The following MMD2 variants were observed in gnomAD, a reference collection of about 807,000 sequenced individuals.
MMD2 encodes the protein monocyte to macrophage differentiation factor 2.
MMD2 carries 30 observed loss-of-function variants against 33.5 expected under a neutral mutation model. The ratio of observed to expected loss-of-function variants is 0.90; its 90% confidence interval spans 0.67 to 1.22. MMD2 has a LOEUF of 1.22. Among genes scored for constraint, MMD2 ranks in the 50% most tolerant of loss-of-function variants. The pLI is 0.00. For missense variants in MMD2, 364 were observed against 325.4 expected (o/e 1.12, Z -0.91); for synonymous variants, 129 against 123.0 (o/e 1.05, Z -0.32).
chr7:4,934,419 A>C (rs1487891216), intron 1 of MMD2, among the ~76,000 whole-genome samples: 1 of 152,216 alleles, frequency 6.6e-6, no homozygotes, highest in African/African-American at 2.4e-5. Flanking sequence ...CATGTTTAAC[A>C]AGTGAAATGC....
chr7:4,947,762 C>T (rs531391490), intron 1 of MMD2, among the ~76,000 whole-genome samples: 11 of 112,024 alleles, frequency 9.8e-5, no homozygotes, highest in Admixed American at 6.8e-4. Context: ...CACAGTGGTG[C>T]GATATCAGCT....
rs1786073126 is a variant in MMD2, at chr7:4,946,105, A to C, written c.47+12866T>G. ...CACACGCACGCACACACACGCATGC[A>C]CACGCGCACACGCACGCACACACCT... is the stretch of plus-strand genomic sequence containing the variant. On this transcript the variant is annotated intron_variant, in intron 1 of 6. Transcript: ENST00000401401. This position sits in a 1 kb window ranked among gnomAD's most constrained non-coding sequence, Gnocchi z 5.0. Among the ~76,000 whole-genome samples, 1 of 151,256 alleles carries C rather than the reference A, an allele frequency of 6.6e-6. No homozygotes were observed. The highest frequency in any genetic ancestry group is 1.5e-5 in the Non-Finnish European group (1 of 67,768).
the MMD2 span, among the ~76,000 whole-genome samples, chr7:4,892,956 C>A: frequency 3.9e-5 from 6 of 152,134 alleles, no homozygotes; most frequent in Admixed American, 6.5e-5. Flanking sequence ...TATCATGATC[C>A]TCACGCCTCT....
At chr7:4,929,853 C>T (rs967981908) in intron 1 of MMD2, among the ~76,000 whole-genome samples, 1 of 152,026 alleles carries the variant, frequency 6.6e-6, no homozygotes, top group Admixed American at 6.6e-5. Context: ...TAAGTAATAA[C>T]AACGAAAATA....
At chr7:4,945,078 C>T (rs1389841548) in intron 1 of MMD2, among the ~76,000 whole-genome samples, 1 of 151,136 alleles carries the variant, frequency 6.6e-6, no homozygotes, top group East Asian at 2.0e-4. Context: ...CTCCTCCCCC[C>T]GACCCCTTCT....
intron 3 of MMD2, among the ~76,000 whole-genome samples, chr7:4,916,361 C>T (rs555600549): frequency 6.7e-6 from 1 of 150,176 alleles, no homozygotes; most frequent in South Asian, 2.1e-4. Context: ...ATTGAACATC[C>T]TCCGTCCCAC....
intron 3 of MMD2, among the ~76,000 whole-genome samples, chr7:4,919,013 C>T (rs540749281): frequency 3.4e-4 from 52 of 151,984 alleles, no homozygotes; most frequent in African/African-American, 1.2e-3. Context: ...ATAAGAGGAT[C>T]GCTTGAGCCC....
chr7:4,958,844 G>C lies in MMD2; in HGVS notation c.47+127C>G, dbSNP rs1039601658. The C allele has an allele frequency of 1.2e-5, 10 of 815,908 alleles. No individual in the cohort carries two copies. The African/African-American group carries it at 1.6e-4, about 13-fold the overall frequency. The allele number at this position is 815,908 out of a possible 1,614,324, so 50.5% of individuals were successfully genotyped here. A position where few individuals can be genotyped will look rare whatever the true frequency, so the allele number is the denominator to read the frequency against. ...TGGGTCCTGGTTTTCTCGGGCGGGG[G>C]TCAGGGGTCCGCCGATCCCCTCTAG... On this transcript the variant is annotated intron_variant, in intron 1 of 6. Transcript: ENST00000401401.
At chr7:4,911,838 G>A (rs150049439) in intron 4 of MMD2, among the ~76,000 whole-genome samples, 1 of 152,020 alleles carries the variant, frequency 6.6e-6, no homozygotes, top group African/African-American at 2.4e-5. Flanking sequence ...AGTAAAGATG[G>A]GGTTTCTCCA....
intron 1 of MMD2, among the ~76,000 whole-genome samples, chr7:4,948,993 T>C (rs1786166065): frequency 6.6e-6 from 1 of 152,044 alleles, no homozygotes; most frequent in Non-Finnish European, 1.5e-5. Flanking sequence ...TGTATTCTTT[T>C]GTACAAAAGA....
At chr7:4,908,094 G>GCCA (rs1043878772) in intron 6 of MMD2, among the ~76,000 whole-genome samples, 2 of 151,522 alleles carry the variant, frequency 1.3e-5, no homozygotes, top group African/African-American at 4.9e-5. Flanking sequence ...ACAGGTGTGA[G>GCCA]CCACCACACT....
At chr7:4,926,364 G>T (rs1169045115) in intron 1 of MMD2, among the ~76,000 whole-genome samples, 3 of 152,116 alleles carry the variant, frequency 2.0e-5, no homozygotes, top group Non-Finnish European at 2.9e-5. Flanking sequence ...AAAGTGCTGG[G>T]ATTACAGGCG....
chr7:4,918,483 C>CTTTTTTTT (rs60393757), intron 3 of MMD2, among the ~76,000 whole-genome samples: 1 of 131,028 alleles, frequency 7.6e-6, no homozygotes, highest in Non-Finnish European at 1.6e-5. Context: ...TTCTTTCTTT[C>CTTTTTTTT]TTTTTTTTTT....
At position 4,907,459 on chromosome 7, in the gene MMD2, G is replaced by T; in HGVS notation, c.678C>A (p.His226Gln). 1.2e-6 allele frequency: 2 copies of T among 1,614,016 alleles called. No individual in the cohort carries two copies. Among genetic ancestry groups the T allele is most frequent in the Non-Finnish European group, 1.7e-6 (2 of 1,179,906 alleles). ...HLFVAFGAGT[H>Q]YYAIWRYLYL... is the part of the protein sequence containing the mutation. ...AGAGGTACCTCCAGATGGCATAGTA[G>T]TGGGTACCAGCACCAAATGCTACAA... The change falls in exon 7 of 7, where the codon CAC (histidine) becomes CAA (glutamine). Residue 226 changes from histidine to glutamine, a missense_variant. Transcript: ENST00000401401.
chr7:4,916,742 C>T (rs1785154371), intron 3 of MMD2, among the ~76,000 whole-genome samples: 1 of 151,938 alleles, frequency 6.6e-6, no homozygotes, highest in African/African-American at 2.4e-5. Flanking sequence ...TGGGTTTTTC[C>T]AAAGATTTAT....
At chr7:4,910,378 T>A (rs778936361) in intron 5 of MMD2, among the ~76,000 whole-genome samples, 1 of 152,174 alleles carries the variant, frequency 6.6e-6, no homozygotes, top group Non-Finnish European at 1.5e-5. Flanking sequence ...CTGGACTAAA[T>A]GACTTCCAGA....
chr7:4,943,133 C>T (rs1785957497), intron 1 of MMD2, among the ~76,000 whole-genome samples: 1 of 151,244 alleles, frequency 6.6e-6, no homozygotes, highest in Non-Finnish European at 1.5e-5. Flanking sequence ...CCTCAGTCTC[C>T]TGCGTAGCTG....
intron 3 of MMD2, among the ~76,000 whole-genome samples, chr7:4,919,372 C>A (rs1244097467): frequency 6.6e-6 from 1 of 152,132 alleles, no homozygotes; most frequent in Non-Finnish European, 1.5e-5. Context: ...AGTTGGAGAA[C>A]AGCCTGGGCA....
intron 1 of MMD2, among the ~76,000 whole-genome samples, chr7:4,944,934 A>T (rs1218238326): frequency 1.3e-5 from 2 of 149,498 alleles, no homozygotes; most frequent in Admixed American, 6.7e-5. Flanking sequence ...TGCCTGGCTA[A>T]TTTTTTTTGT....
Sources: gnomAD v4.1 joint callset for allele counts (sites outside exome capture counted in the v4.1 genomes callset) on GRCh38, gnomAD v4.1.1 for gene constraint, Gnocchi (gnomAD v3.1) non-coding constraint, MANE v1.5 for transcripts, NCBI Gene and HGNC (gene_info 2026-07-23, HGNC 2026-07-21) for gene names.